ATG5: variants seen among roughly 807,000 people sequenced by gnomAD.
ATG5 encodes the protein autophagy related 5, also known as autophagy protein 5.
ATG5 carries 14 observed loss-of-function variants against 36.5 expected under a neutral mutation model. The ratio of observed to expected loss-of-function variants is 0.38; its 90% CI spans 0.25 to 0.60. The LOEUF (loss-of-function observed/expected upper bound fraction) is 0.60, where lower values mean the gene tolerates loss of function less well. Among genes scored for constraint, ATG5 ranks in the 20% least tolerant of loss-of-function variants. ATG5 has a pLI of 0.60. For missense variants in ATG5, 195 were observed against 326.7 expected (o/e 0.60, Z 3.11); for synonymous variants, 95 against 101.5 (o/e 0.94, Z 0.38).
intron 7 of ATG5, among the ~76,000 whole-genome samples, chr6:106,196,347 C>A (rs1216370822): frequency 6.6e-6 from 1 of 152,086 alleles, no homozygotes; most frequent in African/African-American, 2.4e-5. Context: ...AAAACAAAAA[C>A]AAATGGCAGC....
chr6:106,231,968 T>A (rs549223), intron 6 of ATG5, among the ~76,000 whole-genome samples: 1 of 152,116 alleles, frequency 6.6e-6, no homozygotes, highest in Non-Finnish European at 1.5e-5. Flanking sequence ...AAGGACACTT[T>A]AAAAAAGATT....
chr6:106,306,628 C>A (rs1221826560), intron 3 of ATG5, among the ~76,000 whole-genome samples: 1 of 152,098 alleles, frequency 6.6e-6, no homozygotes, highest in East Asian at 1.9e-4. Flanking sequence ...CTGAAAAGCC[C>A]CGCTAGTCAC....
chr6:106,263,033 G>C (rs570553221), intron 5 of ATG5, among the ~76,000 whole-genome samples: 2 of 152,346 alleles, frequency 1.3e-5, no homozygotes, highest in East Asian at 3.9e-4. Flanking sequence ...AAGCCACAGA[G>C]TCAAGTGGTC....
chr6:106,256,941 T>C (rs1778824443), intron 5 of ATG5, among the ~76,000 whole-genome samples: 1 of 152,240 alleles, frequency 6.6e-6, no homozygotes, highest in African/African-American at 2.4e-5. Context: ...TTTCAACTTT[T>C]GAGTCTTTTG....
At chr6:106,215,999 G>C (rs1246502922) in intron 6 of ATG5, among the ~76,000 whole-genome samples, 3 of 152,172 alleles carry the variant, frequency 2.0e-5, no homozygotes, top group Admixed American at 2.0e-4. Flanking sequence ...TGCATGAAAA[G>C]ATGTTTAGCA....
intron 5 of ATG5, among the ~76,000 whole-genome samples, chr6:106,269,630 C>T (rs537475236): frequency 2.6e-5 from 4 of 152,256 alleles, no homozygotes; most frequent in Non-Finnish European, 5.9e-5. Flanking sequence ...AGTACACCCT[C>T]CGCAGCCGCT....
chr6:106,282,101 T>C (rs1166489569), intron 4 of ATG5, among the ~76,000 whole-genome samples: 1 of 152,226 alleles, frequency 6.6e-6, no homozygotes, highest in Non-Finnish European at 1.5e-5. Context: ...AAATTTCACC[T>C]AGCTAAACCA....
At chr6:106,300,504 C>T (rs1770165483) in intron 3 of ATG5, among the ~76,000 whole-genome samples, 1 of 152,092 alleles carries the variant, frequency 6.6e-6, no homozygotes, top group Non-Finnish European at 1.5e-5. Context: ...AGCCATGGGA[C>T]ATTTAACAAC....
At chr6:106,320,779 G>A (rs1043927064) in intron 1 of ATG5, among the ~76,000 whole-genome samples, 2 of 152,112 alleles carry the variant, frequency 1.3e-5, no homozygotes, top group Admixed American at 1.3e-4. Context: ...AGACTGAGGG[G>A]GAATCTCAAT....
At chr6:106,251,639 GAGAGAGAGGGAGGGAGGGAGGA>G (rs1778580272) in intron 5 of ATG5, among the ~76,000 whole-genome samples, 1 of 86,084 alleles carries the variant, frequency 1.2e-5, no homozygotes, top group African/African-American at 4.7e-5. Flanking sequence ...TAATCAGAGA[GAGAGAGAGGGAGGGAGGGAGGA>G]AGGGAGGGGG....
intron 5 of ATG5, among the ~76,000 whole-genome samples, chr6:106,249,086 T>C (rs1778461909): frequency 6.6e-6 from 1 of 152,222 alleles, no homozygotes; most frequent in South Asian, 2.1e-4. Context: ...TAAGCTCTTT[T>C]TAAAAACTTT....
At chr6:106,302,169 A>C (rs1394435739) in intron 3 of ATG5, among the ~76,000 whole-genome samples, 2 of 152,100 alleles carry the variant, frequency 1.3e-5, no homozygotes, top group Non-Finnish European at 2.9e-5. Context: ...ACAGGAGGGA[A>C]TATATGAATG....
intron 1 of ATG5, among the ~76,000 whole-genome samples, chr6:106,324,992 T>C (rs780232007): frequency 1.1e-4 from 16 of 152,278 alleles, no homozygotes; most frequent in African/African-American, 2.6e-4. Flanking sequence ...CTAGAACCAA[T>C]AGTTTCCTAG....
intron 5 of ATG5, among the ~76,000 whole-genome samples, chr6:106,267,738 G>A (rs1779281190): frequency 6.6e-6 from 1 of 152,132 alleles, no homozygotes; most frequent in East Asian, 1.9e-4. Flanking sequence ...AAGCAATGGG[G>A]AAAGGATTCC....
intron 3 of ATG5, among the ~76,000 whole-genome samples, chr6:106,305,684 C>T (rs1375939165): frequency 6.6e-6 from 1 of 152,212 alleles, no homozygotes; most frequent in Non-Finnish European, 1.5e-5. Context: ...ATCCTTAAGA[C>T]ACTTGTATGG....
intron 4 of ATG5, among the ~76,000 whole-genome samples, chr6:106,285,139 T>G (rs746740510): frequency 5.3e-5 from 8 of 152,236 alleles, no homozygotes; most frequent in African/African-American, 1.9e-4. Flanking sequence ...ACTGGGTAAC[T>G]TCTATCGATC....
chr6:106,278,939 T>C (rs149615283), intron 5 of ATG5, among the ~76,000 whole-genome samples: 374 of 152,356 alleles, frequency 2.5e-3, no homozygotes, highest in African/African-American at 8.5e-3. Context: ...TTGCATTTTA[T>C]GTAATTATCT....
chr6:106,218,182 G>GT (rs1777111778), intron 6 of ATG5, among the ~76,000 whole-genome samples: 7 of 152,226 alleles, frequency 4.6e-5, no homozygotes, highest in Admixed American at 1.3e-4. Flanking sequence ...TATAATCACT[G>GT]TACTTATTTT....
At chr6:106,250,463 G>C (rs971204984) in intron 5 of ATG5, among the ~76,000 whole-genome samples, 2 of 152,116 alleles carry the variant, frequency 1.3e-5, no homozygotes, top group Non-Finnish European at 2.9e-5. Flanking sequence ...TAATAACCAA[G>C]ACCAGAATCT....
Sources: allele counts gnomAD v4.1 joint callset (sites outside exome capture counted in the v4.1 genomes callset), GRCh38; gene constraint gnomAD v4.1.1; transcripts MANE v1.5; gene names NCBI Gene and HGNC (gene_info 2026-07-23, HGNC 2026-07-21).